The following OSBPL8 variants were observed in gnomAD, a reference collection of about 807,000 sequenced individuals.
The protein encoded by OSBPL8 is oxysterol-binding protein-related protein 8.
OSBPL8 carries 59 observed loss-of-function variants against 125.5 expected under a neutral mutation model. The observed-to-expected ratio is 0.47, with a 90% CI of 0.38 to 0.58. The LOEUF (loss-of-function observed/expected upper bound fraction) is 0.58, where lower values mean the gene tolerates loss of function less well. Among genes scored for constraint, OSBPL8 ranks in the 20% least tolerant of loss-of-function variants. OSBPL8 has a pLI of 0.00. For missense variants in OSBPL8, 758 were observed against 1,047.8 expected (o/e 0.72, Z 3.82); for synonymous variants, 330 against 338.9 (o/e 0.97, Z 0.29).
Position 76,499,295 on chromosome 12 carries a change from C to T in OSBPL8, c.-67-11677G>A, listed in dbSNP as rs548814009. On this transcript the variant is annotated intron_variant, in intron 1 of 23. Transcript: ENST00000261183. Reference sequence around the variant, plus strand: ...GACCTTGTGATCATGTAAGTTAATACTTAATAAACTCTATCTATCTATCTA... The same window carrying T: ...GACCTTGTGATCATGTAAGTTAATATTTAATAAACTCTATCTATCTATCTA... Among the ~76,000 whole-genome samples, 6 of 113,580 alleles carry T rather than the reference C, an allele frequency of 5.3e-5. No individual in the cohort carries two copies. In the South Asian group the frequency reaches 1.8e-3, roughly 34 times the overall value. The allele number at this position is 113,580 out of a possible 152,430, so 74.5% of individuals were successfully genotyped here.
intron 7 of OSBPL8, among the ~76,000 whole-genome samples, chr12:76,398,383 C>G (rs775390726): frequency 6.6e-6 from 1 of 152,054 alleles, no homozygotes; most frequent in East Asian, 1.9e-4. Context: ...TCCTCCTAGC[C>G]CCTAAAATTA....
intron 1 of OSBPL8, among the ~76,000 whole-genome samples, chr12:76,535,567 A>T (rs1317150314): frequency 6.6e-6 from 1 of 152,188 alleles, no homozygotes; most frequent in Non-Finnish European, 1.5e-5. Context: ...AAACATGTCC[A>T]CTCAAAAATT....
At position 76,361,426 on chromosome 12, in the gene OSBPL8, C is replaced by T. The variant is rs191744633; in HGVS notation, c.2329-2615G>A. ...CCAGTCAACAAGTCTCTAGGAGGTT[C>T]CAAACTTTCCCACATTTTCCTGTCT... On this transcript the variant is annotated intron_variant, in intron 21 of 23. Coordinates refer to ENST00000261183, the MANE Select transcript of OSBPL8 (RefSeq NM_020841.5). Among the ~76,000 whole-genome samples, 584 of 152,288 alleles carry T rather than the reference C, an allele frequency of 3.8e-3. 3 individuals are homozygous for T. Among genetic ancestry groups the T allele is most frequent in the Non-Finnish European group, 7.0e-3 (479 of 68,020 alleles).
intron 4 of OSBPL8, among the ~76,000 whole-genome samples, chr12:76,431,226 T>C (rs1384502985): frequency 6.8e-6 from 1 of 147,670 alleles, no homozygotes; most frequent in East Asian, 2.0e-4. Context: ...ACCACAATAA[T>C]CACCCACAAA....
chr12:76,436,969 T>C (rs73383574), intron 4 of OSBPL8, among the ~76,000 whole-genome samples: 6,026 of 152,240 alleles, frequency 0.04, 363 homozygotes, highest in African/African-American at 0.13. Flanking sequence ...TTAATTTGTT[T>C]CGTAAATTCT....
intron 4 of OSBPL8, among the ~76,000 whole-genome samples, chr12:76,450,470 A>G (rs1267633790): frequency 1.3e-5 from 2 of 152,220 alleles, no homozygotes; most frequent in African/African-American, 4.8e-5. Context: ...TAAATGAATT[A>G]AATTTTTAAA....
chr12:76,467,455 T>C (rs370669461), intron 2 of OSBPL8, among the ~76,000 whole-genome samples: 2 of 152,238 alleles, frequency 1.3e-5, no homozygotes, highest in Non-Finnish European at 2.9e-5. Flanking sequence ...TCTAAAATTA[T>C]GTTAACAAAG....
intron 1 of OSBPL8, among the ~76,000 whole-genome samples, chr12:76,487,832 A>G (rs1210524776): frequency 3.3e-5 from 5 of 152,226 alleles, no homozygotes; most frequent in Admixed American, 3.3e-4. Context: ...AAAAATAGTA[A>G]GAGCAAGGTT....
At chr12:76,460,182 A>G (rs1874548313) in intron 2 of OSBPL8, among the ~76,000 whole-genome samples, 1 of 152,206 alleles carries the variant, frequency 6.6e-6, no homozygotes, top group Non-Finnish European at 1.5e-5. Context: ...TTTTGTTTTG[A>G]AAATTAAGTC....
chr12:76,491,571 T>C (rs1426971539), intron 1 of OSBPL8, among the ~76,000 whole-genome samples: 1 of 152,172 alleles, frequency 6.6e-6, no homozygotes, highest in Non-Finnish European at 1.5e-5. Flanking sequence ...TTAGAAACAT[T>C]ATATAAACTT....
chr12:76,470,221 G>C (rs1168853712), intron 2 of OSBPL8, among the ~76,000 whole-genome samples: 1 of 152,138 alleles, frequency 6.6e-6, no homozygotes, highest in East Asian at 1.9e-4. Flanking sequence ...TGAGACTGCT[G>C]GCGGACTCTG....
chr12:76,466,756 C>T (rs561832297), intron 2 of OSBPL8, among the ~76,000 whole-genome samples: 1 of 152,064 alleles, frequency 6.6e-6, no homozygotes, highest in Admixed American at 6.5e-5. Flanking sequence ...GTCAGGAGTT[C>T]GAGAACAGCC....
chr12:76,362,579 T>C (rs1250854864), intron 21 of OSBPL8, among the ~76,000 whole-genome samples: 3 of 152,230 alleles, frequency 2.0e-5, no homozygotes, highest in African/African-American at 7.2e-5. Flanking sequence ...GATATCATAC[T>C]GAGTGGGCAA....
At chr12:76,549,067 T>C (rs115386879) in intron 1 of OSBPL8, among the ~76,000 whole-genome samples, 2,051 of 151,090 alleles carry the variant, frequency 0.014, 17 homozygotes, top group Middle Eastern at 0.061. Context: ...AACTTACAGA[T>C]TACCCCCAGG....
At position 76,429,990 on chromosome 12, in the gene OSBPL8, T is replaced by C. The variant is rs115863956; in HGVS notation, c.218-19356A>G. On this transcript the variant is annotated intron_variant, in intron 4 of 23. Coordinates refer to ENST00000261183, the MANE Select transcript of OSBPL8 (RefSeq NM_020841.5). ...TCAGAAACTCACTTGGTAGAAACCA[T>C]GCCCACTAGCACCCCTGGTAACAGG... Among the ~76,000 whole-genome samples, 396 of 152,098 alleles carry C rather than the reference T, an allele frequency of 2.6e-3. 3 individuals carry two copies. The highest frequency in any genetic ancestry group is 8.6e-3 in the African/African-American group (356 of 41,468).
At chr12:76,477,374 C>A (rs958798340) in intron 2 of OSBPL8, among the ~76,000 whole-genome samples, 1 of 152,068 alleles carries the variant, frequency 6.6e-6, no homozygotes, top group African/African-American at 2.4e-5. Context: ...GTTATGCTGA[C>A]AGAATATACC....
At chr12:76,533,500 T>C (rs956528477) in intron 1 of OSBPL8, among the ~76,000 whole-genome samples, 2 of 152,202 alleles carry the variant, frequency 1.3e-5, no homozygotes, top group African/African-American at 4.8e-5. Context: ...GACTGATGTT[T>C]CCATTTGTCT....
chr12:76,358,409 T>C lies in OSBPL8; in HGVS notation c.2434+297A>G, dbSNP rs552809302. Among the ~76,000 whole-genome samples the C allele has an allele frequency of 2.0e-5, 3 of 152,190 alleles. No homozygotes were observed. In the East Asian group the frequency reaches 5.8e-4, roughly 29 times the overall value. On this transcript the variant is annotated intron_variant, in intron 22 of 23. Coordinates refer to ENST00000261183, the MANE Select transcript of OSBPL8 (RefSeq NM_020841.5). The stretch of plus-strand genomic sequence containing the variant: ...GTTAGCCAGGCTGGTCTTGAACTTT[T>C]GGCCTCAAGTGATCTGCCCACCTCG...
chr12:76,524,379 G>A (rs1950106932), intron 1 of OSBPL8, among the ~76,000 whole-genome samples: 1 of 152,126 alleles, frequency 6.6e-6, no homozygotes, highest in African/African-American at 2.4e-5. Context: ...TATAACTACT[G>A]ACAGTACAAC....
Sources: gnomAD v4.1 joint callset for allele counts (sites outside exome capture counted in the v4.1 genomes callset) on GRCh38, gnomAD v4.1.1 for gene constraint, MANE v1.5 for transcripts, NCBI Gene and HGNC (gene_info 2026-07-23, HGNC 2026-07-21) for gene names.